The following ATAD2B variants were observed in gnomAD, a reference collection of about 807,000 sequenced individuals.
ATAD2B encodes the protein ATPase family AAA domain containing 2B.
ATAD2B carries 40 observed loss-of-function variants against 167.6 expected under a neutral mutation model. The ratio of observed to expected loss-of-function variants is 0.24; its 90% CI spans 0.19 to 0.31. The LOEUF (loss-of-function observed/expected upper bound fraction) is 0.31. Ranked by LOEUF, ATAD2B falls within the 10% of genes least tolerant of loss-of-function variation. ATAD2B has a pLI of 1.00. For synonymous variants in ATAD2B, 579 were observed against 596.5 expected, an observed-to-expected ratio of 0.97 and a Z score of 0.43; for missense variants, 1,242 against 1,757.2, an observed-to-expected ratio of 0.71 and a Z score of 5.24.
At chr2:23,842,620 T>C (rs1342005918) in intron 13 of ATAD2B, among the ~76,000 whole-genome samples, 1 of 152,116 alleles carries the variant, frequency 6.6e-6, no homozygotes, top group Non-Finnish European at 1.5e-5. Context: ...GGGTGCCTTA[T>C]TAACTTTTCA....
intron 1 of ATAD2B, among the ~76,000 whole-genome samples, chr2:23,904,739 C>T (rs866033952): frequency 2.6e-5 from 4 of 152,022 alleles, no homozygotes; most frequent in African/African-American, 4.8e-5. Flanking sequence ...CAATCTCTTC[C>T]GATTTCCTTA....
Position 23,751,175 on chromosome 2 carries a change from GCA to G in ATAD2B, c.*869_*870del, listed in dbSNP as rs1337547159. 1.3e-5 allele frequency: 2 copies of G among 152,066 alleles called. No individual in the cohort carries two copies. Among genetic ancestry groups the G allele is most frequent in the Non-Finnish European group, 2.9e-5 (2 of 67,984 alleles). The allele number at this position is 152,066 out of a possible 1,614,324, so 9.4% of individuals were successfully genotyped here. ...CATTGTTGGCAATACCAAAACGTGT[GCA>G]GTTTTGTTTTTTGTTTTTTTGTGTG... is the stretch of plus-strand genomic sequence containing the variant. On this transcript the variant is annotated 3_prime_UTR_variant, in exon 28 of 28. Coordinates refer to ENST00000238789, the MANE Select transcript of ATAD2B (RefSeq NM_017552.4).
chr2:23,738,125 G>T, the ATAD2B span, among the ~76,000 whole-genome samples: 3 of 152,228 alleles, frequency 2.0e-5, no homozygotes, highest in Non-Finnish European at 4.4e-5. Context: ...AAAACACTCT[G>T]TAGGATATTA....
chr2:23,701,809 T>C, the ATAD2B span, among the ~76,000 whole-genome samples: 2 of 143,338 alleles, frequency 1.4e-5, no homozygotes, highest in Non-Finnish European at 3.0e-5. Flanking sequence ...TTTTTTTTTT[T>C]TTTTTTTTTT....
At chr2:23,869,526 C>T (rs145993727) in intron 9 of ATAD2B, 137 bp downstream of exon 9, 81 of 637,770 alleles carry the variant, frequency 1.3e-4, no homozygotes, top group Non-Finnish European at 6.1e-5. Flanking sequence ...GAAAGAAAAG[C>T]TAAGTAGAAA....
intron 17 of ATAD2B, among the ~76,000 whole-genome samples, chr2:23,816,770 C>A (rs1686516222): frequency 6.6e-6 from 1 of 152,090 alleles, no homozygotes; most frequent in Non-Finnish European, 1.5e-5. Flanking sequence ...TCAGAAAATT[C>A]TGTTTCTAGT....
At chr2:23,768,974 T>C (rs1040682813) in intron 22 of ATAD2B, among the ~76,000 whole-genome samples, 2 of 152,234 alleles carry the variant, frequency 1.3e-5, no homozygotes, top group Non-Finnish European at 2.9e-5. Context: ...TAAACATTGA[T>C]GAACAAACCT....
At chr2:23,731,331 A>G in the ATAD2B span, among the ~76,000 whole-genome samples, 1 of 152,200 alleles carries the variant, frequency 6.6e-6, no homozygotes, top group East Asian at 1.9e-4. Context: ...TCTTGGTAGC[A>G]TTTTCTACTA....
intron 2 of ATAD2B, among the ~76,000 whole-genome samples, chr2:23,893,794 C>T (rs566162058): frequency 8.6e-5 from 13 of 150,862 alleles, no homozygotes; most frequent in African/African-American, 2.9e-4. Flanking sequence ...CTTAGCCTTT[C>T]GAGTAGATCG....
At chr2:23,904,106 T>C (rs1196446050) in intron 1 of ATAD2B, among the ~76,000 whole-genome samples, 1 of 151,938 alleles carries the variant, frequency 6.6e-6, no homozygotes, top group Admixed American at 6.6e-5. Flanking sequence ...ACCTCTGAGT[T>C]GAAGTGAGTT....
chr2:23,693,016 C>G, the ATAD2B span, among the ~76,000 whole-genome samples: 15 of 152,118 alleles, frequency 9.9e-5, no homozygotes, highest in South Asian at 2.1e-4. Flanking sequence ...CTCCCAGTCT[C>G]GGTCCTTCTG....
intron 4 of ATAD2B, among the ~76,000 whole-genome samples, chr2:23,886,879 C>T (rs1471369797): frequency 1.3e-5 from 2 of 150,122 alleles, no homozygotes; most frequent in African/African-American, 4.9e-5. Context: ...TGCAGTGAGC[C>T]GAGATCACGC....
chr2:23,889,709 C>A (rs1283330659), intron 2 of ATAD2B, among the ~76,000 whole-genome samples: 1 of 151,624 alleles, frequency 6.6e-6, no homozygotes, highest in Non-Finnish European at 1.5e-5. Context: ...CACCTGAGGT[C>A]AGGAGTTCGA....
the ATAD2B span, among the ~76,000 whole-genome samples, chr2:23,705,150 C>T: frequency 2.6e-5 from 4 of 152,252 alleles, no homozygotes; most frequent in African/African-American, 9.6e-5. Context: ...ACAACTGGAG[C>T]ATTGCGCTCC....
the ATAD2B span, chr2:23,703,201 C>T: frequency 2.7e-3 from 3,917 of 1,457,708 alleles, 10 homozygotes; most frequent in Non-Finnish European, 2.5e-3. Flanking sequence ...ACACCATCAC[C>T]AACCAATGGG....
the ATAD2B span, among the ~76,000 whole-genome samples, chr2:23,694,497 T>G: frequency 6.6e-6 from 1 of 152,124 alleles, no homozygotes; most frequent in Non-Finnish European, 1.5e-5. Flanking sequence ...ACTGAACATC[T>G]CATCCATCCA....
At chr2:23,867,595 CTTG>C (rs1695328309) in intron 10 of ATAD2B, among the ~76,000 whole-genome samples, 1 of 152,274 alleles carries the variant, frequency 6.6e-6, no homozygotes, top group South Asian at 2.1e-4. Context: ...TTTATGAAGC[CTTG>C]CCCCTCATAA....
In ATAD2B at chr2:23,926,678, C is replaced by CGCCCCAGGCTCTGCTCCG. The variant is rs768823135; in HGVS notation, c.75_92dup (p.Gly26_Ala31dup). On this transcript the variant is annotated inframe_insertion, in exon 1 of 28. Transcript: ENST00000238789. ...AGATGAAATGGCTGCTGCCTCCGGT[C>CGCCCCAGGCTCTGCTCCG]GCCCCAGGCTCTGCTCCGGCCCCAG... is the stretch of plus-strand genomic sequence containing the variant. 6.4e-7 allele frequency: 1 copy of CGCCCCAGGCTCTGCTCCG among 1,555,248 alleles called. No homozygotes were observed. The highest frequency in any genetic ancestry group is 1.4e-5 in the African/African-American group (1 of 73,396).
chr2:23,891,560 A>G (rs1428289858), intron 2 of ATAD2B, among the ~76,000 whole-genome samples: 2 of 151,800 alleles, frequency 1.3e-5, no homozygotes, highest in Admixed American at 6.6e-5. Flanking sequence ...CAGTGGCTCT[A>G]TCTTGGCTCA....
Sources: allele counts gnomAD v4.1 joint callset (sites outside exome capture counted in the v4.1 genomes callset), GRCh38; gene constraint gnomAD v4.1.1; transcripts MANE v1.5; gene names NCBI Gene and HGNC (gene_info 2026-07-23, HGNC 2026-07-21).